DNAH6: variants seen among roughly 807,000 people sequenced by gnomAD.
DNAH6 encodes the protein dynein axonemal heavy chain 6.
In DNAH6, 340 loss-of-function variants were observed where a neutral mutation model predicts 491.4. The ratio of observed to expected loss-of-function variants is 0.69; its 90% CI spans 0.63 to 0.76. The LOEUF is 0.76. Among genes scored for constraint, DNAH6 ranks in the 30% least tolerant of loss-of-function variants. The pLI, the probability that DNAH6 is intolerant of heterozygous loss-of-function variation, is 0.00. For synonymous variants in DNAH6, 1,603 were observed against 1,686.1 expected (o/e 0.95, Z 1.21); for missense variants, 4,443 against 4,972.2 (o/e 0.89, Z 3.20).
intron 45 of DNAH6, among the ~76,000 whole-genome samples, chr2:84,693,894 AT>A (rs1457316030): frequency 2.0e-5 from 3 of 152,154 alleles, no homozygotes; most frequent in Non-Finnish European, 2.9e-5. Flanking sequence ...GCTCATTCTT[AT>A]AAATGGAAAC....
intron 14 of DNAH6, among the ~76,000 whole-genome samples, chr2:84,581,841 G>A (rs1043782534): frequency 1.3e-5 from 2 of 152,176 alleles, no homozygotes; most frequent in African/African-American, 4.8e-5. Context: ...ACAGTGAGAG[G>A]AGAATGAGGT....
intron 18 of DNAH6, among the ~76,000 whole-genome samples, chr2:84,597,010 A>G (rs1374824711): frequency 6.6e-6 from 1 of 152,210 alleles, no homozygotes; most frequent in African/African-American, 2.4e-5. Context: ...AGAGTAATGT[A>G]TCCAATACAA....
intron 9 of DNAH6, 59 bp from the exon 10 acceptor site, chr2:84,552,859 A>T: frequency 6.3e-6 from 6 of 946,286 alleles, no homozygotes; most frequent in South Asian, 2.0e-5. Flanking sequence ...TTGTTTTTTT[A>T]TTTTGTTTTA....
intron 15 of DNAH6, chr2:84,584,463 A>T (rs1683343559): frequency 7.6e-6 from 4 of 528,414 alleles, no homozygotes; most frequent in Non-Finnish European, 1.3e-5. Context: ...AATAATTAAG[A>T]CTACTCTTCA....
rs562130941 is a variant in DNAH6 at position 84,543,335 on chromosome 2, C to T, written c.663-898C>T. Reference sequence around the variant, plus strand: ...GTTTTGCATAGTTTTAACATAGAAACAATTTAAGGCTTTGTTTTTGCCCTT... The same window carrying T: ...GTTTTGCATAGTTTTAACATAGAAATAATTTAAGGCTTTGTTTTTGCCCTT... On this transcript the variant is annotated intron_variant, in intron 4 of 76. Coordinates refer to ENST00000389394, the MANE Select transcript of DNAH6 (RefSeq NM_001370.2). Among the ~76,000 whole-genome samples the T allele has an allele frequency of 2.4e-4, 36 of 152,252 alleles. No individual in the cohort carries two copies. The South Asian group carries it at 7.0e-3, about 30-fold the overall frequency.
chr2:84,480,020 T>C, the DNAH6 span, among the ~76,000 whole-genome samples: 1 of 152,200 alleles, frequency 6.6e-6, no homozygotes, highest in Non-Finnish European at 1.5e-5. Flanking sequence ...ATGGGGTCTG[T>C]TTGGCCTTAA....
intron 11 of DNAH6, among the ~76,000 whole-genome samples, chr2:84,573,054 C>G (rs1276713881): frequency 6.6e-6 from 1 of 152,174 alleles, no homozygotes; most frequent in Admixed American, 6.5e-5. Context: ...TAAGATTAAG[C>G]AAGTGATTTT....
intron 21 of DNAH6, among the ~76,000 whole-genome samples, chr2:84,610,384 G>A (rs1686207159): frequency 1.3e-5 from 2 of 152,124 alleles, no homozygotes; most frequent in Admixed American, 1.3e-4. Context: ...AGTCACAGAT[G>A]GCACCCACAC....
rs569801131 is a variant in DNAH6 at position 84,590,744 on chromosome 2, A to T, written c.2610+1790A>T. Among the ~76,000 whole-genome samples the T allele has an allele frequency of 1.3e-4, 20 of 152,198 alleles. No individual in the cohort carries two copies. The South Asian group carries it at 4.1e-3, about 32-fold the overall frequency. On this transcript the variant is annotated intron_variant, in intron 16 of 76. Transcript: ENST00000389394. The stretch of plus-strand genomic sequence containing the variant: ...GATGGAAGCCAGTAGAATAATTCCT[A>T]ACACCCTTTCACTATAATTCCTGCC...
chr2:84,616,945 G>C lies in DNAH6; in HGVS notation c.3535G>C (p.Glu1179Gln). 1 of 1,503,848 alleles carries C rather than the reference G, an allele frequency of 6.6e-7. No individual in the cohort carries two copies. Among genetic ancestry groups the C allele is most frequent in the Non-Finnish European group, 8.9e-7 (1 of 1,129,528 alleles). 93.2% of individuals were successfully genotyped at this position (1,503,848 alleles called of 1,614,324 possible). ...ALLDQIQKCL[E>Q]AYLESKRVIF... The stretch of plus-strand genomic sequence containing the variant: ...ACTTGACCAAATTCAGAAGTGCCTA[G>C]AGGCATACTTAGAATCAAAAAGAGT... Residue 1179 changes from glutamate (E) to glutamine (Q), a missense_variant, in exon 23 of 77, where the codon GAG (glutamate) becomes CAG (glutamine). Coordinates refer to ENST00000389394, the MANE Select transcript of DNAH6 (RefSeq NM_001370.2).
At chr2:84,536,596 G>A (rs17025218) in intron 4 of DNAH6, among the ~76,000 whole-genome samples, 3,595 of 152,070 alleles carry the variant, frequency 0.024, 57 homozygotes, top group Middle Eastern at 0.092. Flanking sequence ...AACTGTTAGA[G>A]TTAAAGAGTG....
At chr2:84,598,654 C>T (rs551356073) in intron 18 of DNAH6, among the ~76,000 whole-genome samples, 35 of 152,324 alleles carry the variant, frequency 2.3e-4, no homozygotes, top group Non-Finnish European at 4.7e-4. Context: ...TCCTCATCAT[C>T]ACTAGCCCTT....
intron 61 of DNAH6, 135 bp from the exon 62 acceptor site, chr2:84,733,309 C>T (rs1699266260): frequency 7.4e-6 from 5 of 678,262 alleles, no homozygotes; most frequent in Non-Finnish European, 1.2e-5. Flanking sequence ...TTCTATTTCA[C>T]CATATTGTAC....
At chr2:84,476,958 C>T in the DNAH6 span, among the ~76,000 whole-genome samples, 6 of 152,206 alleles carry the variant, frequency 3.9e-5, no homozygotes, top group African/African-American at 7.2e-5. Flanking sequence ...TGTCCTTTGA[C>T]GGCGCATCCT....
chr2:84,600,585 A>G (rs919389949), intron 18 of DNAH6, among the ~76,000 whole-genome samples: 3 of 152,172 alleles, frequency 2.0e-5, no homozygotes, highest in Admixed American at 6.5e-5. Flanking sequence ...AGTAATTTGT[A>G]TAATATCCTT....
chr2:84,541,455 T>A (rs190921788), intron 4 of DNAH6, among the ~76,000 whole-genome samples: 114 of 152,258 alleles, frequency 7.5e-4, no homozygotes, highest in African/African-American at 2.6e-3. Flanking sequence ...TTTCTGGAAC[T>A]CTAAGAAGGA....
intron 21 of DNAH6, among the ~76,000 whole-genome samples, chr2:84,609,191 A>G (rs1270109009): frequency 1.3e-5 from 2 of 152,194 alleles, no homozygotes; most frequent in East Asian, 1.9e-4. Flanking sequence ...AACTTTCTCT[A>G]TATCAGAAAT....
intron 15 of DNAH6, among the ~76,000 whole-genome samples, chr2:84,586,901 A>G (rs13404802): frequency 0.014 from 2,114 of 152,266 alleles, 43 homozygotes; most frequent in African/African-American, 0.048. Context: ...ATCATTAGAG[A>G]AAGCAAAAGT....
chr2:84,696,917 TA>T (rs1227301994), intron 46 of DNAH6, among the ~76,000 whole-genome samples: 4 of 152,134 alleles, frequency 2.6e-5, no homozygotes, highest in Non-Finnish European at 4.4e-5. Context: ...AAATGTGGGA[TA>T]ATATTTTCCC....
Sources: gnomAD v4.1 joint callset for allele counts (sites outside exome capture counted in the v4.1 genomes callset) on GRCh38, gnomAD v4.1.1 for gene constraint, MANE v1.5 for transcripts, NCBI Gene and HGNC (gene_info 2026-07-23, HGNC 2026-07-21) for gene names.